GAS2: variants seen among roughly 807,000 people sequenced by gnomAD.
GAS2 encodes growth arrest specific 2.
GAS2 carries 20 observed loss-of-function variants against 37.5 expected under a neutral mutation model. The ratio of observed to expected loss-of-function variants is 0.53; its 90% CI spans 0.37 to 0.77. GAS2 has a LOEUF of 0.77. Among genes scored for constraint, GAS2 ranks in the 30% least tolerant of loss-of-function variants. The probability of loss-of-function intolerance (pLI) is 0.00; values close to 1 mark genes in which losing one functional copy is unlikely to be tolerated. For synonymous variants in GAS2, 144 were observed against 132.2 expected, an observed-to-expected ratio of 1.09 and a Z score of -0.61; for missense variants, 336 against 373.4, an observed-to-expected ratio of 0.90 and a Z score of 0.82.
Position 22,660,321 on chromosome 11 carries a change from A to G in GAS2, c.-20-14529A>G, listed in dbSNP as rs184534583. Among the ~76,000 whole-genome samples the G allele has an allele frequency of 1.8e-3, 279 of 152,314 alleles. 1 individual carries two copies. Among genetic ancestry groups the G allele is most frequent in the African/African-American group, 6.2e-3 (259 of 41,570 alleles). On this transcript the variant is annotated intron_variant, in intron 1 of 5. Transcript: ENST00000528582. ...TGTATAAGATTCTCTGAACGTTTGTATTTTTAATGCTGCTAATATCTTTAT... is the reference window on the plus strand; with the variant it reads ...TGTATAAGATTCTCTGAACGTTTGTGTTTTTAATGCTGCTAATATCTTTAT...
Position 22,749,168 on chromosome 11 carries a change from A to G in GAS2, c.522A>G (p.Glu174=), listed in dbSNP as rs778446882. 1.1e-5 allele frequency: 17 copies of G among 1,612,676 alleles called. No homozygotes were observed. The highest frequency in any genetic ancestry group is 1.4e-5 in the Non-Finnish European group (17 of 1,179,210). The change falls in exon 6 of 8, where the codon GAA becomes GAG. Residue 174 remains glutamate (E), a synonymous_variant. Transcript: ENST00000454584. ...TGATAAAGCTGGAAAAAGAGATTGA[A>G]CAAGAAGAAACACTTTCTGCCCCTT... is the stretch of plus-strand genomic sequence containing the variant. ...PGLIKLEKEI[E]QEETLSAPSP...
intron 5 of GAS2, among the ~76,000 whole-genome samples, chr11:22,739,400 C>G (rs998956696): frequency 3.3e-5 from 5 of 151,894 alleles, no homozygotes; most frequent in Non-Finnish European, 7.4e-5. Flanking sequence ...GAATGAAACC[C>G]TGTCTATACT....
chr11:22,717,711 C>T (rs2134119212), intron 3 of GAS2, among the ~76,000 whole-genome samples: 1 of 151,840 alleles, frequency 6.6e-6, no homozygotes, highest in South Asian at 2.1e-4. Flanking sequence ...GAAATATTCA[C>T]AAACTATGCA....
chr11:22,626,985 A>T (rs1858668433), intron 1 of GAS2, among the ~76,000 whole-genome samples: 1 of 151,992 alleles, frequency 6.6e-6, no homozygotes, highest in African/African-American at 2.4e-5. Flanking sequence ...TAGAGATGGG[A>T]TTTCACCTTA....
chr11:22,714,198 G>A (rs1426904441), intron 3 of GAS2, among the ~76,000 whole-genome samples: 9 of 151,958 alleles, frequency 5.9e-5, no homozygotes, highest in Non-Finnish European at 1.2e-4. Flanking sequence ...CATGCAAATG[G>A]AAACCAAAAG....
chr11:22,782,321 T>G (rs1313615412), intron 7 of GAS2, among the ~76,000 whole-genome samples: 2 of 152,226 alleles, frequency 1.3e-5, no homozygotes, highest in Admixed American at 1.3e-4. Context: ...TCATTATTTT[T>G]CTTTCGAAAC....
At chr11:22,714,081 C>G (rs566102759) in intron 3 of GAS2, among the ~76,000 whole-genome samples, 1 of 152,218 alleles carries the variant, frequency 6.6e-6, no homozygotes, top group Non-Finnish European at 1.5e-5. Context: ...TACAGAATCT[C>G]AGAATGGATC....
Position 22,812,427 on chromosome 11 carries a change from GC to G in GAS2, c.*412del, listed in dbSNP as rs1857225327. ...ATTTTTATAATTGCAAGATTTTTAT[GC>G]TTTTTTTTTTTTTTTTTTACAAAAT... On this transcript the variant is annotated 3_prime_UTR_variant, in exon 8 of 8. Transcript: ENST00000454584. The G allele has an allele frequency of 4.3e-5, 2 of 46,354 alleles. No individual in the cohort carries two copies. Among genetic ancestry groups the G allele is most frequent in the African/African-American group, 7.6e-5 (1 of 13,158 alleles). 2.9% of individuals were successfully genotyped at this position (46,354 alleles called of 1,614,324 possible).
At chr11:22,741,969 G>T (rs1853111148) in intron 5 of GAS2, among the ~76,000 whole-genome samples, 1 of 152,026 alleles carries the variant, frequency 6.6e-6, no homozygotes, top group African/African-American at 2.4e-5. Context: ...TAAATAGTTT[G>T]AGTAAATTTT....
At chr11:22,692,915 T>C (rs981295269) in intron 3 of GAS2, among the ~76,000 whole-genome samples, 39 of 152,130 alleles carry the variant, frequency 2.6e-4, no homozygotes, top group African/African-American at 9.4e-4. Context: ...AACATTTGTG[T>C]CGTGTCCTTT....
At chr11:22,679,887 G>T (rs1213971894) in intron 2 of GAS2, among the ~76,000 whole-genome samples, 1 of 152,082 alleles carries the variant, frequency 6.6e-6, no homozygotes, top group African/African-American at 2.4e-5. Flanking sequence ...TTTAGAAAAT[G>T]CATTGACAGT....
chr11:22,749,266 G>A lies in GAS2; in HGVS notation c.615+5G>A. 6.2e-7 allele frequency: 1 copy of A among 1,609,000 alleles called. No individual in the cohort carries two copies. Among genetic ancestry groups the A allele is most frequent in the Non-Finnish European group, 8.5e-7 (1 of 1,177,880 alleles). On this transcript the variant is annotated splice_donor_5th_base_variant and intron_variant, in intron 6 of 7. Coordinates refer to ENST00000454584, the MANE Select transcript of GAS2 (RefSeq NM_001143830.3). The stretch of plus-strand genomic sequence containing the variant: ...GGAAACTTACTGGATGATGCAGTAA[G>A]TAAAATCAGTCAGACTTCTTACCAA...
intron 1 of GAS2, among the ~76,000 whole-genome samples, chr11:22,644,508 T>C (rs541409999): frequency 2.0e-5 from 3 of 152,232 alleles, no homozygotes; most frequent in Admixed American, 1.3e-4. Flanking sequence ...AAAACTACTA[T>C]AGCTTACATT....
intron 5 of GAS2, among the ~76,000 whole-genome samples, chr11:22,747,753 G>A (rs1390623589): frequency 1.3e-5 from 2 of 151,662 alleles, no homozygotes; most frequent in Admixed American, 6.6e-5. Context: ...CCAGAAGTAG[G>A]GTAAACTAAG....
rs539282814 is a variant in GAS2, at chr11:22,754,977, G to T, written c.616-869G>T. 2.6e-5 allele frequency among the ~76,000 whole-genome samples: 4 copies of T among 152,198 alleles called. No individual in the cohort carries two copies. The South Asian group carries it at 8.3e-4, about 32-fold the overall frequency. On this transcript the variant is annotated intron_variant, in intron 6 of 7. Transcript: ENST00000454584. ...TTTCCTCAAAACACAGGAGATTATT[G>T]TTTTGGGTTGTTTGGTTGGTTGGTT...
At chr11:22,650,855 A>G (rs867025150) in intron 1 of GAS2, among the ~76,000 whole-genome samples, 3,288 of 151,352 alleles carry the variant, frequency 0.022, 97 homozygotes, top group African/African-American at 0.076. Flanking sequence ...ACACTGATGG[A>G]TCTTGACTCT....
rs201086215 is a variant in GAS2 at position 22,647,495 on chromosome 11, C to A, written c.-21+21682C>A. On this transcript the variant is annotated intron_variant, in intron 1 of 5. Coordinates refer to the GAS2 transcript ENST00000528582. The stretch of plus-strand genomic sequence containing the variant: ...TAGTTCTAGATCCCTGAGGAATCGC[C>A]ACACTGACTTCCACAATGGTTGAAC... Among the ~76,000 whole-genome samples the A allele has an allele frequency of 5.7e-4, 87 of 152,078 alleles. 1 individual carries two copies. In the East Asian group the frequency reaches 0.016, roughly 28 times the overall value.
chr11:22,647,084 C>G (rs1848705565), intron 1 of GAS2, among the ~76,000 whole-genome samples: 1 of 126,774 alleles, frequency 7.9e-6, no homozygotes, highest in African/African-American at 3.0e-5. Flanking sequence ...CCCCCCACCC[C>G]ACAACAGTCC....
chr11:22,691,278 T>A (rs1248679730), intron 3 of GAS2, among the ~76,000 whole-genome samples: 1 of 152,196 alleles, frequency 6.6e-6, no homozygotes, highest in African/African-American at 2.4e-5. Flanking sequence ...TCAGGAGTAC[T>A]TGGTTCCTTG....
Sources: gnomAD v4.1 joint callset for allele counts (sites outside exome capture counted in the v4.1 genomes callset) on GRCh38, gnomAD v4.1.1 for gene constraint, MANE v1.5 for transcripts, NCBI Gene and HGNC (gene_info 2026-07-23, HGNC 2026-07-21) for gene names.